The following ENTR1 variants were observed in gnomAD, a reference collection of about 807,000 sequenced individuals.
ENTR1 encodes endosome-associated-trafficking regulator 1.
ENTR1 carries 47 observed loss-of-function variants against 47.9 expected under a neutral mutation model. The observed-to-expected ratio is 0.98, with a 90% confidence interval of 0.78 to 1.25. The LOEUF (loss-of-function observed/expected upper bound fraction) is 1.25. ENTR1 is among the 50% of genes most tolerant of loss of function. ENTR1 has a pLI of 0.00. For missense variants in ENTR1, 668 were observed against 570.5 expected (o/e 1.17, Z -1.74); for synonymous variants, 290 against 245.8 (o/e 1.18, Z -1.68).
chr9:136,406,776 T>TA (rs200187597), intron 5 of ENTR1, among the ~76,000 whole-genome samples: 28 of 152,216 alleles, frequency 1.8e-4, no homozygotes, highest in Non-Finnish European at 3.1e-4. Flanking sequence ...GGCGCCCAGC[T>TA]AAAAAATTTT....
chr9:136,402,834 G>A lies in ENTR1; in HGVS notation c.1262C>T (p.Ser421Phe), dbSNP rs1375384867. The change falls in exon 10 of 10, where the codon TCT (serine) becomes TTT (phenylalanine). Residue 421 changes from serine to phenylalanine, a missense_variant. Coordinates refer to ENST00000357365, the MANE Select transcript of ENTR1 (RefSeq NM_001039707.2). ...TTTAACTTCAGAAATTCTGTCTATA[G>A]ATTTAAGGATTTCGGCAACAAGATT... ...TLNLVAEILK[S>F]IDRISEVKDE... 6.2e-7 allele frequency: 1 copy of A among 1,613,002 alleles called. No individual in the cohort carries two copies. The highest frequency in any genetic ancestry group is 8.5e-7 in the Non-Finnish European group (1 of 1,179,862).
Position 136,407,160 on chromosome 9 carries a change from C to G in ENTR1, c.804G>C (p.Gln268His). 1 of 1,600,138 alleles carries G rather than the reference C, an allele frequency of 6.2e-7. No homozygotes were observed. Residue 268 changes from glutamine to histidine, a missense_variant, in exon 5 of 10, where the codon CAG becomes CAC. Transcript: ENST00000357365. Reference protein sequence around the residue: ...SLGDRHLRTLQISYDALKDEN... With the variant: ...SLGDRHLRTLHISYDALKDEN... ...GCTCACTTACTGCGTCGTAACTTATCTGCAGCGTCCGCAGGTGCCTGTCTC... is the reference window on the plus strand; with the variant it reads ...GCTCACTTACTGCGTCGTAACTTATGTGCAGCGTCCGCAGGTGCCTGTCTC...
chr9:136,407,593 G>A (rs1454846753), intron 4 of ENTR1, 32 bp from the exon 5 acceptor site: 1 of 1,520,760 alleles, frequency 6.6e-7, no homozygotes, highest in Non-Finnish European at 8.8e-7. Flanking sequence ...AAACAATGGA[G>A]GCCATGCTTC....
chr9:136,407,695 G>T (rs1834848237), intron 4 of ENTR1, 131 bp downstream of exon 4: 2 of 1,367,406 alleles, frequency 1.5e-6, no homozygotes, highest in East Asian at 2.3e-5. Context: ...CAGCTTCTGA[G>T]CCCAGAGCTG....
rs1052108219 is a variant in ENTR1 at position 136,403,906 on chromosome 9, C to A, written c.1208+149G>T. ...TCCACACAGTGACCCAGAGAGCTAA[C>A]AGGACCACTGAGCACGCGTCCCTCC... On this transcript the variant is annotated intron_variant, in intron 9 of 9. Transcript: ENST00000357365. The A allele has an allele frequency of 6.6e-6, 6 of 909,052 alleles. No individual in the cohort carries two copies. In the African/African-American group the frequency reaches 8.4e-5, roughly 13 times the overall value. 56.3% of individuals were successfully genotyped at this position (909,052 alleles called of 1,614,324 possible).
chr9:136,408,422 C>CA (rs554298245), intron 3 of ENTR1, among the ~76,000 whole-genome samples: 2 of 151,924 alleles, frequency 1.3e-5, no homozygotes, highest in Admixed American at 6.6e-5. Flanking sequence ...ACTAAAAATA[C>CA]AAAAAATTAG....
Position 136,402,797 on chromosome 9 carries a change from TTCC to T in ENTR1, c.1296_1298del (p.Glu433del), listed in dbSNP as rs1393989046. On this transcript the variant is annotated inframe_deletion, in exon 10 of 10. Transcript: ENST00000357365. ...GAACACCCAGGGGTCCTCAAGAGTC[TTCC>T]TCCTCGTCTTTAACTTCAGAAATTC... 1.9e-6 allele frequency: 3 copies of T among 1,612,224 alleles called. No individual in the cohort carries two copies. The highest frequency in any genetic ancestry group is 2.5e-6 in the Non-Finnish European group (3 of 1,179,148).
intron 1 of ENTR1, 44 bp from the exon 2 acceptor site, chr9:136,410,283 C>A: frequency 6.4e-7 from 1 of 1,551,558 alleles, no homozygotes. Context: ...GCCGGGGCGG[C>A]CGCCGCCCAC....
At chr9:136,409,096 C>A in intron 2 of ENTR1, 29 bp from the exon 3 acceptor site, 1 of 1,608,774 alleles carries the variant, frequency 6.2e-7, no homozygotes, top group Non-Finnish European at 8.5e-7. Context: ...ACCCACCATG[C>A]TGGCAGGAAG....
In ENTR1 at chr9:136,402,756, C is replaced by T. The variant is rs201554988; in HGVS notation, c.*32G>A. 1.6e-5 allele frequency: 23 copies of T among 1,482,394 alleles called. No individual in the cohort carries two copies. The highest frequency in any genetic ancestry group is 8.4e-5 in the Admixed American group (5 of 59,622). 91.8% of individuals were successfully genotyped at this position (1,482,394 alleles called of 1,614,324 possible). On this transcript the variant is annotated 3_prime_UTR_variant, in exon 10 of 10. Transcript: ENST00000357365. ...AGCGGTGGTGACCTCAGGGTATACA[C>T]GGAGCTTCATGCTGAGAACACCCAG...
At chr9:136,408,769 A>G (rs1834910254) in intron 3 of ENTR1, among the ~76,000 whole-genome samples, 1 of 152,124 alleles carries the variant, frequency 6.6e-6, no homozygotes. Flanking sequence ...TGTGAGCCCC[A>G]TGTAAAGCTG....
intron 2 of ENTR1, among the ~76,000 whole-genome samples, chr9:136,409,393 G>A (rs977790238): frequency 1.3e-5 from 2 of 152,144 alleles, no homozygotes; most frequent in Admixed American, 1.3e-4. Flanking sequence ...CTGTTAGCCA[G>A]GATGGTCTCA....
intron 2 of ENTR1, 38 bp downstream of exon 2, chr9:136,410,052 C>A: frequency 1.2e-6 from 2 of 1,611,848 alleles, no homozygotes; most frequent in East Asian, 2.2e-5. Flanking sequence ...GGCGCGGGAA[C>A]TGGAAGCGTC....
Position 136,407,372 on chromosome 9 carries a change from G to T in ENTR1, c.592C>A (p.Pro198Thr). ...YLPSAIEQTH[P>T]ERVPAGTSPC... ...GACGTGCCGGCAGGGACCCTCTCGG[G>T]GTGAGTCTGCTCGATGGCGGACGGC... The change falls in exon 5 of 10, where the codon CCC becomes ACC. Residue 198 changes from proline to threonine, a missense_variant. Coordinates refer to ENST00000357365, the MANE Select transcript of ENTR1 (RefSeq NM_001039707.2). The T allele has an allele frequency of 3.1e-6, 5 of 1,607,652 alleles. No homozygotes were observed. The highest frequency in any genetic ancestry group is 4.2e-6 in the Non-Finnish European group (5 of 1,178,194).
Position 136,410,095 on chromosome 9 carries a change from T to G in ENTR1, c.215A>C (p.Asp72Ala). The G allele has an allele frequency of 6.2e-7, 1 of 1,612,268 alleles. No homozygotes were observed. The highest frequency in any genetic ancestry group is 1.3e-5 in the African/African-American group (1 of 74,800). Residue 72 changes from aspartate to alanine, a missense_variant, in exon 2 of 10, where the codon GAC (aspartate) becomes GCC (alanine). By Grantham distance (126) the Asp-to-Ala change is moderately radical. Coordinates refer to ENST00000357365, the MANE Select transcript of ENTR1 (RefSeq NM_001039707.2). The stretch of plus-strand genomic sequence containing the variant: ...CCGGCGCCCTCGTCTCTCACCTGTG[T>G]CTCCCACGGAAGCCAGCACCGGGCT... ...VPSPVLASVG[D>A]TDFGYGKGKC...
chr9:136,404,832 C>T lies in ENTR1; in HGVS notation c.1006-139G>A, dbSNP rs1157017501. The T allele has an allele frequency of 3.8e-5, 31 of 812,554 alleles. No individual in the cohort carries two copies. In the Admixed American group the frequency reaches 6.2e-4, roughly 16 times the overall value. The allele number at this position is 812,554 out of a possible 1,614,324, so 50.3% of individuals were successfully genotyped here. A position where few individuals can be genotyped will look rare whatever the true frequency, so the allele number is the denominator to read the frequency against. ...CACAGCCCCTGTGCCCCTCCCAGTC[C>T]CGCCTCCACTCTCAGACCACCCCTG... On this transcript the variant is annotated intron_variant, in intron 7 of 9. Coordinates refer to ENST00000357365, the MANE Select transcript of ENTR1 (RefSeq NM_001039707.2).
intron 5 of ENTR1, 121 bp from the exon 6 acceptor site, chr9:136,406,099 A>C (rs1588787810): frequency 1.8e-5 from 10 of 551,458 alleles, no homozygotes. Flanking sequence ...TGCAGCATCC[A>C]CCTGCAGCCA....
intron 5 of ENTR1, among the ~76,000 whole-genome samples, chr9:136,406,678 T>C (rs951585340): frequency 6.9e-6 from 1 of 145,136 alleles, no homozygotes; most frequent in Non-Finnish European, 1.5e-5. Context: ...GGTTTCACCA[T>C]GTTGGCCAGG....
chr9:136,409,428 G>A (rs1388384241), intron 2 of ENTR1, among the ~76,000 whole-genome samples: 1 of 152,164 alleles, frequency 6.6e-6, no homozygotes, highest in Non-Finnish European at 1.5e-5. Flanking sequence ...TGATCCGCCT[G>A]CCTCGGCCTC....
Sources: gnomAD v4.1 joint callset for allele counts (sites outside exome capture counted in the v4.1 genomes callset) on GRCh38, gnomAD v4.1.1 for gene constraint, MANE v1.5 for transcripts, NCBI Gene and HGNC (gene_info 2026-07-23, HGNC 2026-07-21) for gene names.